MEIG1: variants seen among roughly 807,000 people sequenced by gnomAD.
MEIG1 encodes meiosis/spermiogenesis associated 1.
MEIG1 carries 12 observed loss-of-function variants against 11.3 expected under a neutral mutation model. That is an observed-to-expected ratio of 1.07 (90% CI 0.68 to 1.73). The LOEUF is 1.73. MEIG1 is among the 40% of genes most tolerant of loss of function. The pLI is 0.00. For missense variants in MEIG1, 119 were observed against 104.9 expected (o/e 1.13, Z -0.59); for synonymous variants, 41 against 33.2 (o/e 1.24, Z -0.81).
chr10:14,984,940 G>A (rs760632121), intron 1 of MEIG1, among the ~76,000 whole-genome samples: 4 of 151,976 alleles, frequency 2.6e-5, no homozygotes, highest in Non-Finnish European at 4.4e-5. Context: ...GTCACAGGGC[G>A]TGTAGACCCT....
intron 1 of MEIG1, among the ~76,000 whole-genome samples, chr10:14,961,132 C>G (rs1296790981): frequency 3.9e-5 from 6 of 152,222 alleles, no homozygotes; most frequent in Non-Finnish European, 8.8e-5. Flanking sequence ...TTTAATGCAC[C>G]TAGCCAACTT....
At chr10:14,958,075 CTAT>C, upstream of MEIG1, among the ~76,000 whole-genome samples, 1 of 152,166 alleles carries the variant, frequency 6.6e-6, no homozygotes, top group African/African-American at 2.4e-5. Context: ...TGAGTAGAAG[CTAT>C]AAAGTCAGCA....
At chr10:14,984,537 G>A (rs1018907956) in intron 1 of MEIG1, among the ~76,000 whole-genome samples, 1 of 151,902 alleles carries the variant, frequency 6.6e-6, no homozygotes, top group Non-Finnish European at 1.5e-5. Flanking sequence ...TTCTCCTAAG[G>A]GGAGGTTACT....
intron 1 of MEIG1, among the ~76,000 whole-genome samples, chr10:14,960,260 AG>A (rs1218107447): frequency 6.6e-6 from 1 of 152,222 alleles, no homozygotes; most frequent in Non-Finnish European, 1.5e-5. Flanking sequence ...AGGGACTATT[AG>A]GGAGGCTAAT....
upstream of MEIG1, among the ~76,000 whole-genome samples, chr10:14,957,658 G>A (rs1486426888): frequency 3.9e-5 from 6 of 152,104 alleles, no homozygotes; most frequent in African/African-American, 7.2e-5. Flanking sequence ...TCTTTGAGAC[G>A]GAGTCTCCCT....
intron 2 of MEIG1, among the ~76,000 whole-genome samples, chr10:14,971,478 G>T (rs1267161851): frequency 6.6e-6 from 1 of 152,060 alleles, no homozygotes; most frequent in Non-Finnish European, 1.5e-5. Flanking sequence ...AGGAGGTTGA[G>T]GCTGTAGTGA....
intron 1 of MEIG1, among the ~76,000 whole-genome samples, chr10:14,964,785 AT>A (rs55924755): frequency 1.3e-4 from 19 of 144,366 alleles, no homozygotes; most frequent in Middle Eastern, 3.5e-3. Context: ...CGCCCAGTTC[AT>A]TTTTTTTTTT....
Position 14,972,743 on chromosome 10 carries a change from G to T in MEIG1, c.*102G>T, listed in dbSNP as rs1843167294. The T allele has an allele frequency of 7.9e-6, 9 of 1,141,856 alleles. No homozygotes were observed. The highest frequency in any genetic ancestry group is 1.1e-5 in the Non-Finnish European group (9 of 826,578). 70.7% of individuals were successfully genotyped at this position (1,141,856 alleles called of 1,614,324 possible). ...GATGAAATAATTCAAGATGCAGTCT[G>T]CAGTTTAATGTTTTGTGAAACACAA... On this transcript the variant is annotated 3_prime_UTR_variant, in exon 3 of 3. Coordinates refer to ENST00000407572, the MANE Select transcript of MEIG1 (RefSeq NM_001080836.3).
chr10:14,954,389 T>G (rs1254513810), upstream of MEIG1: 5 of 357,002 alleles, frequency 1.4e-5, no homozygotes, highest in Non-Finnish European at 2.2e-5. Flanking sequence ...GCCGACGAGG[T>G]GAGTGGGCTG....
In MEIG1 at chr10:14,972,764, C is replaced by A; in HGVS notation, c.*123C>A. 1.0e-6 allele frequency: 1 copy of A among 974,644 alleles called. No individual in the cohort carries two copies. Among genetic ancestry groups the A allele is most frequent in the Non-Finnish European group, 1.5e-6 (1 of 679,830 alleles). 60.4% of individuals were successfully genotyped at this position (974,644 alleles called of 1,614,324 possible). The stretch of plus-strand genomic sequence containing the variant: ...GTCTGCAGTTTAATGTTTTGTGAAA[C>A]ACAAAAGCCATGAGAATTGGTATCT... On this transcript the variant is annotated 3_prime_UTR_variant, in exon 3 of 3. Transcript: ENST00000407572.
intron 1 of MEIG1, among the ~76,000 whole-genome samples, chr10:14,979,133 C>T (rs1315932769): frequency 6.6e-6 from 1 of 151,994 alleles, no homozygotes; most frequent in Non-Finnish European, 1.5e-5. Context: ...GGGGTGTACT[C>T]CCTGTGATAT....
chr10:14,979,053 T>C (rs935445361), intron 1 of MEIG1, among the ~76,000 whole-genome samples: 3 of 152,008 alleles, frequency 2.0e-5, no homozygotes, highest in African/African-American at 7.3e-5. Flanking sequence ...TTACTACTAA[T>C]GCCACAATAC....
intron 1 of MEIG1, among the ~76,000 whole-genome samples, chr10:14,979,107 T>A (rs1462578746): frequency 6.6e-6 from 1 of 152,034 alleles, no homozygotes; most frequent in Non-Finnish European, 1.5e-5. Context: ...CATGGGTCAT[T>A]CCTCCTATGT....
chr10:14,983,759 A>G (rs1843288137), intron 1 of MEIG1, among the ~76,000 whole-genome samples: 2 of 152,084 alleles, frequency 1.3e-5, no homozygotes, highest in South Asian at 4.1e-4. Context: ...TTAATAGCGC[A>G]GGGTGTGTAT....
At chr10:14,979,023 C>T (rs1349264504) in intron 1 of MEIG1, among the ~76,000 whole-genome samples, 1 of 151,928 alleles carries the variant, frequency 6.6e-6, no homozygotes, top group Non-Finnish European at 1.5e-5. Flanking sequence ...TGATATTATT[C>T]GTAATATCCT....
intron 1 of MEIG1, among the ~76,000 whole-genome samples, chr10:14,983,841 C>T (rs566725250): frequency 3.9e-4 from 60 of 152,016 alleles, no homozygotes; most frequent in East Asian, 1.6e-3. Flanking sequence ...GCACAGAAAG[C>T]GTGCACCACC....
intron 2 of MEIG1, among the ~76,000 whole-genome samples, chr10:14,970,049 G>T (rs1403938631): frequency 1.3e-5 from 2 of 152,200 alleles, no homozygotes; most frequent in African/African-American, 2.4e-5. Flanking sequence ...AGTGTCCCCA[G>T]TGGCATTTGC....
At chr10:14,985,266 C>G (rs1458673996) in intron 1 of MEIG1, among the ~76,000 whole-genome samples, 1 of 151,946 alleles carries the variant, frequency 6.6e-6, no homozygotes, top group African/African-American at 2.4e-5. Flanking sequence ...CGGGGGTATA[C>G]ACCCTGTGAT....
intron 1 of MEIG1, among the ~76,000 whole-genome samples, chr10:14,963,323 G>A (rs928645223): frequency 3.3e-5 from 5 of 151,404 alleles, no homozygotes; most frequent in South Asian, 2.1e-4. Context: ...TCGAACTCCC[G>A]ACCTCAGGTG....
Sources: allele counts gnomAD v4.1 joint callset (sites outside exome capture counted in the v4.1 genomes callset), GRCh38; gene constraint gnomAD v4.1.1; transcripts MANE v1.5; gene names NCBI Gene and HGNC (gene_info 2026-07-23, HGNC 2026-07-21).